SEPTIN2: variants seen among roughly 807,000 people sequenced by gnomAD.
The protein encoded by SEPTIN2 is septin-2.
Under a neutral mutation model 46.5 loss-of-function variants are expected in SEPTIN2, and 34 were observed. That is an observed-to-expected ratio of 0.73 (90% CI 0.56 to 0.97). The LOEUF (loss-of-function observed/expected upper bound fraction) is 0.97. Among genes scored for constraint, SEPTIN2 ranks in the 50% least tolerant of loss-of-function variants. The pLI is 0.00. For synonymous variants in SEPTIN2, 175 were observed against 153.4 expected, an observed-to-expected ratio of 1.14 and a Z score of -1.04; for missense variants, 347 against 448.4, an observed-to-expected ratio of 0.77 and a Z score of 2.04.
At chr2:241,319,118 A>G (rs1305270163) in intron 1 of SEPTIN2, among the ~76,000 whole-genome samples, 3 of 152,238 alleles carry the variant, frequency 2.0e-5, no homozygotes, top group Non-Finnish European at 4.4e-5. Context: ...GTGAAATTGC[A>G]ATATCTGGAT....
chr2:241,325,671 G>A (rs144316285), intron 2 of SEPTIN2, among the ~76,000 whole-genome samples: 208 of 152,170 alleles, frequency 1.4e-3, no homozygotes, highest in Middle Eastern at 3.4e-3. Context: ...CTCTCAAGTC[G>A]AAATTTGAAA....
At chr2:241,350,869 GA>G (rs1295796195) in intron 12 of SEPTIN2, among the ~76,000 whole-genome samples, 1 of 152,154 alleles carries the variant, frequency 6.6e-6, no homozygotes, top group African/African-American at 2.4e-5. Context: ...CAGGCTCTCT[GA>G]ACTGTCCAGG....
intron 5 of SEPTIN2, 172 bp downstream of exon 5, chr2:241,336,270 A>G (rs2079965412): frequency 2.8e-6 from 2 of 718,226 alleles, no homozygotes; most frequent in Non-Finnish European, 4.4e-6. Flanking sequence ...TTTTATAGAG[A>G]GTAATTTTTT....
At chr2:241,324,643 C>T (rs2077654210) in intron 2 of SEPTIN2, 1 of 290,188 alleles carries the variant, frequency 3.4e-6, no homozygotes, top group Non-Finnish European at 6.8e-6. Flanking sequence ...CTTTGGCCCC[C>T]CGAAGTGTTG....
chr2:241,334,372 A>T (rs1004151942), intron 3 of SEPTIN2, among the ~76,000 whole-genome samples: 1 of 152,192 alleles, frequency 6.6e-6, no homozygotes, highest in Non-Finnish European at 1.5e-5. Flanking sequence ...TGTAAAATTT[A>T]ATTTTTGGTA....
At position 241,337,482 on chromosome 2, in the gene SEPTIN2, T is replaced by C; in HGVS notation, c.442T>C (p.Cys148Arg). ...RRHIIDNRVH[C>R]CFYFISPFGH... is the part of the protein sequence containing the mutation. ...GCACATCATTGATAATAGGGTGCATTGTTGCTTTTACTTTATTTCACCTTT... is the reference window on the plus strand; with the variant it reads ...GCACATCATTGATAATAGGGTGCATCGTTGCTTTTACTTTATTTCACCTTT... The change falls in exon 6 of 13, where the codon TGT becomes CGT. Residue 148 changes from cysteine (C) to arginine (R), a missense_variant. Cys to Arg is a radical substitution (Grantham distance 180). Transcript: ENST00000391971. 7.4e-6 allele frequency: 12 copies of C among 1,614,060 alleles called. No individual in the cohort carries two copies. The highest frequency in any genetic ancestry group is 1.0e-5 in the Non-Finnish European group (12 of 1,180,012).
chr2:241,346,055 C>T, intron 9 of SEPTIN2, 111 bp from the exon 10 acceptor site: 1 of 695,974 alleles, frequency 1.4e-6, no homozygotes, highest in Non-Finnish European at 2.5e-6. Context: ...TACAATTTAC[C>T]AAGTAATTTT....
Position 241,346,235 on chromosome 2 carries a change from C to G in SEPTIN2, c.912C>G (p.Leu304=), listed in dbSNP as rs1418164208. The stretch of plus-strand genomic sequence containing the variant: ...ATGAAAACTTCCGTTCTGAGAGACT[C>G]AAGAGAGGCGGCAGGTCATCACACT... The part of the protein sequence containing the change: ...LHYENFRSER[L]KRGGRKVENE... Residue 304 remains leucine (L), a synonymous_variant, in exon 10 of 13, where the codon CTC becomes CTG. Transcript: ENST00000391971. The G allele has an allele frequency of 6.2e-7, 1 of 1,613,726 alleles. No individual in the cohort carries two copies. The highest frequency in any genetic ancestry group is 1.7e-5 in the Admixed American group (1 of 59,992).
chr2:241,331,825 A>G (rs1283976410), intron 3 of SEPTIN2, among the ~76,000 whole-genome samples: 1 of 152,256 alleles, frequency 6.6e-6, no homozygotes, highest in African/African-American at 2.4e-5. Context: ...TTCAAGACTT[A>G]ACAGCAGTAA....
intron 7 of SEPTIN2, among the ~76,000 whole-genome samples, chr2:241,338,221 C>G (rs1415083383): frequency 6.6e-6 from 1 of 152,110 alleles, no homozygotes; most frequent in Non-Finnish European, 1.5e-5. Context: ...GCCAGCGAAG[C>G]GCCTCTCACC....
At chr2:241,350,238 C>A in intron 12 of SEPTIN2, 35 bp downstream of exon 12, 3 of 1,181,770 alleles carry the variant, frequency 2.5e-6, no homozygotes, top group Non-Finnish European at 3.4e-6. Context: ...GGAAGACAGG[C>A]AGTTACTAAC....
intron 12 of SEPTIN2, chr2:241,351,764 G>A (rs1053499950): frequency 5.3e-5 from 8 of 152,236 alleles, no homozygotes; most frequent in Non-Finnish European, 1.2e-4. Context: ...TTTTATTTCT[G>A]TATACTTTCT....
At chr2:241,317,771 A>T (rs1416732807) in intron 1 of SEPTIN2, among the ~76,000 whole-genome samples, 6 of 152,108 alleles carry the variant, frequency 3.9e-5, no homozygotes, top group Admixed American at 6.5e-5. Flanking sequence ...ACATCGCCAG[A>T]TGTTGTTCAT....
intron 10 of SEPTIN2, 133 bp downstream of exon 10, chr2:241,346,382 A>T (rs2060235232): frequency 1.8e-6 from 1 of 570,734 alleles, no homozygotes; most frequent in Non-Finnish European, 3.1e-6. Flanking sequence ...AGTTATTATA[A>T]AAGAGTTGTT....
At chr2:241,321,540 A>G (rs1038859290) in intron 1 of SEPTIN2, among the ~76,000 whole-genome samples, 1 of 150,952 alleles carries the variant, frequency 6.6e-6, no homozygotes, top group African/African-American at 2.4e-5. Flanking sequence ...TGCTTTAAGC[A>G]TATACGTTAT....
chr2:241,343,898 G>T lies in SEPTIN2; in HGVS notation c.842+1G>T. 6.2e-7 allele frequency: 1 copy of T among 1,614,152 alleles called. No homozygotes were observed. The highest frequency in any genetic ancestry group is 8.5e-7 in the Non-Finnish European group (1 of 1,179,992). ...TTCTGAAGCTGAGAACCATGCTCAT[G>T]TAAGACATTTGGTGTGTTCCTTCTG... On this transcript the variant is annotated splice_donor_variant, in intron 9 of 12. Coordinates refer to ENST00000391971, the MANE Select transcript of SEPTIN2 (RefSeq NM_004404.5). LOFTEE classifies it high-confidence loss of function.
intron 12 of SEPTIN2, among the ~76,000 whole-genome samples, chr2:241,350,414 C>G (rs928691147): frequency 6.6e-6 from 1 of 151,338 alleles, no homozygotes; most frequent in African/African-American, 2.4e-5. Flanking sequence ...ATTTTTGTCT[C>G]TTCTTTTTTT....
intron 11 of SEPTIN2, among the ~76,000 whole-genome samples, chr2:241,349,367 C>T: frequency 7.7e-6 from 1 of 130,488 alleles, no homozygotes; most frequent in African/African-American, 2.6e-5. Flanking sequence ...AGATCCCATC[C>T]CTTTAAAAAA....
Position 241,337,734 on chromosome 2 carries a change from G to T in SEPTIN2, c.538G>T (p.Val180Phe). 6.2e-7 allele frequency: 1 copy of T among 1,614,122 alleles called. No individual in the cohort carries two copies. The highest frequency in any genetic ancestry group is 8.5e-7 in the Non-Finnish European group (1 of 1,180,006). ...ACACAACAAGGTGAATATTGTGCCTGTCATTGCAAAAGCTGACACTCTCAC... is the reference window on the plus strand; with the variant it reads ...ACACAACAAGGTGAATATTGTGCCTTTCATTGCAAAAGCTGACACTCTCAC... ...AIHNKVNIVPVIAKADTLTLK... is the reference protein window; with the variant it reads ...AIHNKVNIVPFIAKADTLTLK... The change falls in exon 7 of 13, where the codon GTC becomes TTC. Residue 180 changes from valine to phenylalanine, a missense_variant. Transcript: ENST00000391971.
Sources: gnomAD v4.1 joint callset for allele counts (sites outside exome capture counted in the v4.1 genomes callset) on GRCh38, gnomAD v4.1.1 for gene constraint, MANE v1.5 for transcripts, NCBI Gene and HGNC (gene_info 2026-07-23, HGNC 2026-07-21) for gene names.